The following CNTNAP2 variants were observed in gnomAD, a reference collection of about 807,000 sequenced individuals.
The protein encoded by CNTNAP2 is contactin associated protein 2, also known as contactin-associated protein-like 2.
A neutral mutation model predicts 155.2 loss-of-function variants in CNTNAP2; 98 were observed. That is an observed-to-expected ratio of 0.63 (90% confidence interval 0.54 to 0.75). The LOEUF (loss-of-function observed/expected upper bound fraction) is 0.75, where lower values mean the gene tolerates loss of function less well. Ranked by LOEUF, CNTNAP2 falls within the 30% of genes least tolerant of loss-of-function variation. The pLI is 0.00. For synonymous variants in CNTNAP2, 651 were observed against 631.2 expected, an observed-to-expected ratio of 1.03 and a Z score of -0.47; for missense variants, 1,727 against 1,688.1, an observed-to-expected ratio of 1.02 and a Z score of -0.40.
chr7:147,856,180 G>A (rs1399199573), intron 13 of CNTNAP2, among the ~76,000 whole-genome samples: 1 of 151,916 alleles, frequency 6.6e-6, no homozygotes, highest in Non-Finnish European at 1.5e-5. Flanking sequence ...CCCATATAGG[G>A]TTTCTTGTTC....
chr7:147,941,626 G>T (rs1257965979), intron 14 of CNTNAP2, among the ~76,000 whole-genome samples: 1 of 152,126 alleles, frequency 6.6e-6, no homozygotes, highest in Admixed American at 6.5e-5. Context: ...GTTCTTACTC[G>T]CTCAATTGCC....
At chr7:146,967,605 CTGTT>C (rs760499812) in intron 3 of CNTNAP2, among the ~76,000 whole-genome samples, 4 of 152,166 alleles carry the variant, frequency 2.6e-5, no homozygotes, top group East Asian at 3.8e-4. Flanking sequence ...ATTTGGCTCT[CTGTT>C]TGTCTGCTAT....
intron 1 of CNTNAP2, among the ~76,000 whole-genome samples, chr7:146,466,689 A>T (rs115598808): frequency 1.5e-3 from 230 of 152,326 alleles, no homozygotes; most frequent in African/African-American, 5.4e-3. Flanking sequence ...TTTTAAGCGT[A>T]ATAAATGACT....
chr7:147,554,938 A>C (rs1174773473), intron 11 of CNTNAP2, among the ~76,000 whole-genome samples: 1 of 152,194 alleles, frequency 6.6e-6, no homozygotes, highest in Non-Finnish European at 1.5e-5. Context: ...ATATTGTACT[A>C]ATTAAAAATA....
intron 1 of CNTNAP2, among the ~76,000 whole-genome samples, chr7:146,352,343 G>T (rs374302737): frequency 6.6e-6 from 1 of 152,010 alleles, no homozygotes. Context: ...TCTTGCACAC[G>T]TATTCCAACA....
chr7:147,603,844 A>G (rs1002415555), intron 12 of CNTNAP2, among the ~76,000 whole-genome samples: 4 of 152,186 alleles, frequency 2.6e-5, no homozygotes, highest in Non-Finnish European at 4.4e-5. Context: ...ACAGTAACCA[A>G]AACAGCATGG....
intron 1 of CNTNAP2, among the ~76,000 whole-genome samples, chr7:146,684,225 A>G (rs1001117694): frequency 6.6e-6 from 1 of 152,190 alleles, no homozygotes; most frequent in Non-Finnish European, 1.5e-5. Context: ...CTACCATACC[A>G]TATTCCAAAA....
intron 3 of CNTNAP2, among the ~76,000 whole-genome samples, chr7:146,974,101 G>T (rs1257256328): frequency 6.6e-6 from 1 of 152,158 alleles, no homozygotes; most frequent in Non-Finnish European, 1.5e-5. Flanking sequence ...TCATAGTTAT[G>T]TTGTTGCCCT....
At chr7:148,151,419 T>C (rs1430148635) in intron 17 of CNTNAP2, among the ~76,000 whole-genome samples, 1 of 151,998 alleles carries the variant, frequency 6.6e-6, no homozygotes, top group Non-Finnish European at 1.5e-5. Flanking sequence ...GATTCTCCTC[T>C]CTCGGCCTCC....
At chr7:147,395,814 C>T (rs747824958) in intron 10 of CNTNAP2, 34 bp downstream of exon 10, 1 of 1,608,612 alleles carries the variant, frequency 6.2e-7, no homozygotes, top group East Asian at 2.2e-5. Flanking sequence ...TCACGTTGTC[C>T]AAACTTTCCA....
At chr7:147,151,857 G>A (rs1211114315) in intron 8 of CNTNAP2, among the ~76,000 whole-genome samples, 2 of 152,152 alleles carry the variant, frequency 1.3e-5, no homozygotes, top group East Asian at 3.9e-4. Context: ...ACAGAGCTGG[G>A]AAGAGCAGCT....
chr7:147,555,675 T>C (rs907092176), intron 11 of CNTNAP2, among the ~76,000 whole-genome samples: 1 of 152,238 alleles, frequency 6.6e-6, no homozygotes, highest in African/African-American at 2.4e-5. Context: ...TGCTCAGCTT[T>C]GACTTATGAG....
At chr7:148,222,588 A>G (rs959406194) in intron 19 of CNTNAP2, among the ~76,000 whole-genome samples, 2 of 152,256 alleles carry the variant, frequency 1.3e-5, no homozygotes, top group Non-Finnish European at 2.9e-5. Flanking sequence ...CATTCCATTC[A>G]TGAGGACAGA....
chr7:146,997,017 A>G (rs1420421437), intron 3 of CNTNAP2, among the ~76,000 whole-genome samples: 1 of 152,072 alleles, frequency 6.6e-6, no homozygotes, highest in Non-Finnish European at 1.5e-5. Context: ...ACCTTCCACC[A>G]TGATTGTGAG....
chr7:147,606,280 T>C (rs940980256), intron 12 of CNTNAP2, among the ~76,000 whole-genome samples: 4 of 152,234 alleles, frequency 2.6e-5, no homozygotes, highest in Non-Finnish European at 5.9e-5. Flanking sequence ...GTTGCCAGCA[T>C]ACTGAAAAAG....
intron 11 of CNTNAP2, among the ~76,000 whole-genome samples, chr7:147,515,222 T>C (rs1185961704): frequency 6.6e-6 from 1 of 152,192 alleles, no homozygotes; most frequent in Non-Finnish European, 1.5e-5. Context: ...CATCTTCTCT[T>C]GAAGACCCAC....
intron 3 of CNTNAP2, among the ~76,000 whole-genome samples, chr7:146,945,593 C>G (rs1437541887): frequency 6.6e-6 from 1 of 152,146 alleles, no homozygotes; most frequent in African/African-American, 2.4e-5. Flanking sequence ...CAGGCTTGGT[C>G]GGCGAATCAC....
chr7:147,360,723 T>A (rs535810725), intron 9 of CNTNAP2, among the ~76,000 whole-genome samples: 1 of 152,286 alleles, frequency 6.6e-6, no homozygotes, highest in South Asian at 2.1e-4. Context: ...CATGGATATT[T>A]ATTAATTTTA....
chr7:146,247,758 A>C (rs1799685872), intron 1 of CNTNAP2, among the ~76,000 whole-genome samples: 1 of 152,190 alleles, frequency 6.6e-6, no homozygotes, highest in Admixed American at 6.5e-5. Context: ...ATTTTAGGTC[A>C]GGTGAGAGGT....
Sources: gnomAD v4.1 joint callset for allele counts (sites outside exome capture counted in the v4.1 genomes callset) on GRCh38, gnomAD v4.1.1 for gene constraint, MANE v1.5 for transcripts, NCBI Gene and HGNC (gene_info 2026-07-23, HGNC 2026-07-21) for gene names.